Variants in WNT2 observed in about 807,000 individuals in gnomAD.
The protein encoded by WNT2 is Wnt family member 2, also known as protein Wnt-2.
A neutral mutation model predicts 36.9 loss-of-function variants in WNT2; 12 were observed. That is an observed-to-expected ratio of 0.33 (90% CI 0.21 to 0.53). The LOEUF (loss-of-function observed/expected upper bound fraction) is 0.53, where lower values mean the gene tolerates loss of function less well. WNT2 is among the 20% of genes least tolerant of loss of function. The pLI, the probability that WNT2 is intolerant of heterozygous loss-of-function variation, is 0.95. For missense variants in WNT2, 379 were observed against 473.1 expected, an observed-to-expected ratio of 0.80 and a Z score of 1.84; for synonymous variants, 163 against 174.6, an observed-to-expected ratio of 0.93 and a Z score of 0.52.
At chr7:117,295,520 A>G (rs960548194) in intron 4 of WNT2, among the ~76,000 whole-genome samples, 12 of 152,244 alleles carry the variant, frequency 7.9e-5, no homozygotes, top group Non-Finnish European at 1.5e-4. Flanking sequence ...TATTTCATTG[A>G]CAATAAATGT....
intron 4 of WNT2, among the ~76,000 whole-genome samples, chr7:117,291,472 T>G (rs1794688537): frequency 6.6e-6 from 1 of 152,164 alleles, no homozygotes; most frequent in South Asian, 2.1e-4. Context: ...ATCTGTACCT[T>G]AAGGGCTTCT....
chr7:117,306,916 A>C (rs900954352), intron 3 of WNT2, among the ~76,000 whole-genome samples: 1 of 152,212 alleles, frequency 6.6e-6, no homozygotes, highest in African/African-American at 2.4e-5. Flanking sequence ...AAAGCTCTTC[A>C]ATAGGCTCAT....
At chr7:117,297,173 A>T (rs958537830) in intron 4 of WNT2, among the ~76,000 whole-genome samples, 5 of 152,114 alleles carry the variant, frequency 3.3e-5, no homozygotes, top group Non-Finnish European at 7.4e-5. Flanking sequence ...ATTTCTCCAG[A>T]ATCTGTGCAC....
intron 3 of WNT2, among the ~76,000 whole-genome samples, chr7:117,309,599 G>C (rs1427615331): frequency 6.6e-6 from 1 of 152,064 alleles, no homozygotes; most frequent in Non-Finnish European, 1.5e-5. Context: ...TACCCCTGAG[G>C]CTTGCTTACC....
chr7:117,277,373 G>A lies in WNT2; in HGVS notation c.*782C>T, dbSNP rs2024233. 0.67 allele frequency: 102,289 copies of A among 152,038 alleles called. 34,658 individuals carry two copies. Among genetic ancestry groups the A allele is most frequent in the Middle Eastern group, 0.75 (220 of 292 alleles). The allele number at this position is 152,038 out of a possible 1,614,324, so 9.4% of individuals were successfully genotyped here. A position where few individuals can be genotyped will look rare whatever the true frequency, so the allele number is the denominator to read the frequency against. On this transcript the variant is annotated 3_prime_UTR_variant, in exon 5 of 5. Transcript: ENST00000265441. ...ATTCATCTTCTTTTTAATTCCCTTC[G>A]GATTCTAAGTGAGAAGGAACTCTCA...
chr7:117,304,826 C>T (rs1794986228), intron 3 of WNT2, among the ~76,000 whole-genome samples: 1 of 152,180 alleles, frequency 6.6e-6, no homozygotes, highest in Non-Finnish European at 1.5e-5. Flanking sequence ...CTCATCTTTT[C>T]AATACTTTCT....
At chr7:117,278,633 T>C (rs772213489) in intron 4 of WNT2, among the ~76,000 whole-genome samples, 1 of 152,232 alleles carries the variant, frequency 6.6e-6, no homozygotes, top group African/African-American at 2.4e-5. Context: ...TGGATTTCCT[T>C]GGACACCCTG....
intron 3 of WNT2, among the ~76,000 whole-genome samples, chr7:117,314,307 T>C (rs1198741112): frequency 6.6e-6 from 1 of 152,202 alleles, no homozygotes; most frequent in Non-Finnish European, 1.5e-5. Flanking sequence ...AACATTGGCA[T>C]TGAAATGGTT....
chr7:117,297,522 A>G (rs1794815580), intron 4 of WNT2, 90 bp downstream of exon 4: 2 of 1,461,502 alleles, frequency 1.4e-6, no homozygotes, highest in Non-Finnish European at 1.9e-6. Flanking sequence ...ACCTAAAGAG[A>G]GCAGGCTGAA....
At chr7:117,299,711 G>A (rs979696830) in intron 3 of WNT2, among the ~76,000 whole-genome samples, 9 of 151,954 alleles carry the variant, frequency 5.9e-5, no homozygotes, top group Non-Finnish European at 1.3e-4. Flanking sequence ...GCTGAGGCTG[G>A]TCCCTAAGTC....
intron 4 of WNT2, among the ~76,000 whole-genome samples, chr7:117,290,646 C>G (rs768315054): frequency 6.6e-6 from 1 of 152,172 alleles, no homozygotes; most frequent in Non-Finnish European, 1.5e-5. Context: ...TAAGATAAGA[C>G]CTTATAACAG....
At position 117,320,754 on chromosome 7, in the gene WNT2, G is replaced by A. The variant is rs140391205; in HGVS notation, c.123C>T (p.Cys41=). 9.3e-6 allele frequency: 15 copies of A among 1,613,104 alleles called. No homozygotes were observed. The highest frequency in any genetic ancestry group is 5.5e-5 in the South Asian group (5 of 90,944). Residue 41 remains cysteine (C), a synonymous_variant, in exon 2 of 5, where the codon TGC becomes TGT. Coordinates refer to ENST00000265441, the MANE Select transcript of WNT2 (RefSeq NM_003391.3). ...RATGGSSRVM[C]DNVPGLVSSQ... Reference sequence around the variant, plus strand: ...TGCTCACCAGGCCTGGCACATTATCGCACATCACCCTGGAGGAGCCACCTG... The same window carrying A: ...TGCTCACCAGGCCTGGCACATTATCACACATCACCCTGGAGGAGCCACCTG...
At chr7:117,297,326 G>A (rs1271233834) in intron 4 of WNT2, among the ~76,000 whole-genome samples, 5 of 151,900 alleles carry the variant, frequency 3.3e-5, no homozygotes, top group African/African-American at 9.7e-5. Flanking sequence ...CCACAGATGC[G>A]CACCACCATG....
At chr7:117,292,249 C>T (rs1266588032) in intron 4 of WNT2, among the ~76,000 whole-genome samples, 1 of 152,096 alleles carries the variant, frequency 6.6e-6, no homozygotes, top group Admixed American at 6.6e-5. Flanking sequence ...TTCCCATGTC[C>T]TCATGCTGCC....
intron 4 of WNT2, among the ~76,000 whole-genome samples, chr7:117,279,253 A>T (rs1326754627): frequency 6.6e-6 from 1 of 152,226 alleles, no homozygotes; most frequent in Non-Finnish European, 1.5e-5. Context: ...GAATTCTTTT[A>T]TAAGCACATT....
intron 4 of WNT2, among the ~76,000 whole-genome samples, chr7:117,285,121 T>C (rs1786692228): frequency 6.6e-6 from 1 of 152,234 alleles, no homozygotes; most frequent in Admixed American, 6.5e-5. Context: ...ATGTAACTTT[T>C]TGGGGAGAGG....
At position 117,278,013 on chromosome 7, in the gene WNT2, G is replaced by A. The variant is rs1436228053; in HGVS notation, c.*142C>T. On this transcript the variant is annotated 3_prime_UTR_variant, in exon 5 of 5. Transcript: ENST00000265441. ...TGGCCCCCCCATCCTGGGGCCCCCA[G>A]GGAGGAAGAGGGGGCTTCCGTTGAG... 4 of 928,290 alleles carry A rather than the reference G, an allele frequency of 4.3e-6. No individual in the cohort carries two copies. The highest frequency in any genetic ancestry group is 4.8e-6 in the Non-Finnish European group (3 of 620,416). The allele number at this position is 928,290 out of a possible 1,614,324, so 57.5% of individuals were successfully genotyped here.
chr7:117,299,226 G>T (rs1794854588), intron 3 of WNT2, among the ~76,000 whole-genome samples: 1 of 152,114 alleles, frequency 6.6e-6, no homozygotes, highest in African/African-American at 2.4e-5. Context: ...TGGATGGCAG[G>T]CCTCTGCCAC....
Position 117,278,388 on chromosome 7 carries a change from G to C in WNT2, c.854-4C>G. 3 of 1,611,986 alleles carry C rather than the reference G, an allele frequency of 1.9e-6. No homozygotes were observed. The highest frequency in any genetic ancestry group is 2.5e-6 in the Non-Finnish European group (3 of 1,179,038). ...CGGCCTGCTGTACCCAGGGAGCCTG[G>C]AAGACAAGCCAGGGAGTGTTACTGA... On this transcript the variant is annotated splice_region_variant and splice_polypyrimidine_tract_variant and intron_variant, in intron 4 of 4. Transcript: ENST00000265441.
Sources: allele counts gnomAD v4.1 joint callset (sites outside exome capture counted in the v4.1 genomes callset), GRCh38; gene constraint gnomAD v4.1.1; transcripts MANE v1.5; gene names NCBI Gene and HGNC (gene_info 2026-07-23, HGNC 2026-07-21).